The following AGBL4 variants were observed in gnomAD, a reference collection of about 807,000 sequenced individuals.
AGBL4 encodes the protein AGBL carboxypeptidase 4.
Under a neutral mutation model 66.4 loss-of-function variants are expected in AGBL4, and 58 were observed. The observed-to-expected ratio is 0.87, with a 90% confidence interval of 0.71 to 1.09. The LOEUF is 1.09. Ranked by LOEUF, AGBL4 falls within the 50% of genes least tolerant of loss-of-function variation. The pLI, the probability that AGBL4 is intolerant of heterozygous loss-of-function variation, is 0.00. For synonymous variants in AGBL4, 234 were observed against 222.9 expected (o/e 1.05, Z -0.44); for missense variants, 579 against 631.0 (o/e 0.92, Z 0.88).
chr1:49,050,267 A>G (rs1379467205), intron 4 of AGBL4, among the ~76,000 whole-genome samples: 1 of 151,978 alleles, frequency 6.6e-6, no homozygotes, highest in African/African-American at 2.4e-5. Context: ...CTGAGTAAGC[A>G]CACACACACA....
chr1:49,077,208 G>A (rs1304239529), intron 4 of AGBL4, among the ~76,000 whole-genome samples: 1 of 147,122 alleles, frequency 6.8e-6, no homozygotes, highest in Non-Finnish European at 1.5e-5. Flanking sequence ...CTTAAAGATT[G>A]TCAGTGAATA....
intron 4 of AGBL4, among the ~76,000 whole-genome samples, chr1:49,191,158 C>A (rs1362492622): frequency 6.6e-6 from 1 of 152,204 alleles, no homozygotes; most frequent in East Asian, 1.9e-4. Context: ...ACAGTCAACT[C>A]AGATACAAAG....
chr1:49,874,949 A>G (rs1267143144), intron 1 of AGBL4, among the ~76,000 whole-genome samples: 23 of 143,636 alleles, frequency 1.6e-4, no homozygotes, highest in African/African-American at 3.3e-4. Context: ...AGCATTAGGT[A>G]TATCTCCCAA....
chr1:48,855,902 C>G (rs1212984101), intron 6 of AGBL4, among the ~76,000 whole-genome samples: 1 of 151,950 alleles, frequency 6.6e-6, no homozygotes, highest in African/African-American at 2.4e-5. Context: ...CAAAAACATA[C>G]ATGCAGAGGT....
intron 5 of AGBL4, among the ~76,000 whole-genome samples, chr1:48,867,952 C>G (rs1442981029): frequency 6.6e-6 from 1 of 152,180 alleles, no homozygotes; most frequent in Non-Finnish European, 1.5e-5. Context: ...TTCCCTATTA[C>G]AGCACAGCTA....
At chr1:49,594,394 A>C (rs1290113983) in intron 3 of AGBL4, among the ~76,000 whole-genome samples, 1 of 152,172 alleles carries the variant, frequency 6.6e-6, no homozygotes, top group Non-Finnish European at 1.5e-5. Flanking sequence ...AGTGCAGAAC[A>C]TGCAGGTTTG....
At chr1:48,697,272 A>G (rs1236308376) in intron 6 of AGBL4, among the ~76,000 whole-genome samples, 1 of 152,128 alleles carries the variant, frequency 6.6e-6, no homozygotes, top group Non-Finnish European at 1.5e-5. Context: ...AGGAATGAAA[A>G]TGCCCCGTGC....
chr1:49,438,077 C>T (rs975550951), intron 3 of AGBL4, among the ~76,000 whole-genome samples: 6 of 152,254 alleles, frequency 3.9e-5, no homozygotes, highest in Non-Finnish European at 7.4e-5. Flanking sequence ...ACAATCACTC[C>T]GTGAGGACTA....
chr1:49,528,453 T>C (rs1429913014), intron 3 of AGBL4, among the ~76,000 whole-genome samples: 2 of 152,058 alleles, frequency 1.3e-5, no homozygotes, highest in Non-Finnish European at 2.9e-5. Flanking sequence ...TCTGCTCTCT[T>C]TATGATTAAA....
At chr1:48,778,362 C>T (rs2148714839) in intron 6 of AGBL4, among the ~76,000 whole-genome samples, 1 of 152,222 alleles carries the variant, frequency 6.6e-6, no homozygotes, top group Non-Finnish European at 1.5e-5. Context: ...GGTTCCTGTG[C>T]CAAAATTAGG....
intron 5 of AGBL4, among the ~76,000 whole-genome samples, chr1:49,025,327 G>T (rs893143533): frequency 6.6e-6 from 1 of 152,064 alleles, no homozygotes; most frequent in South Asian, 2.1e-4. Flanking sequence ...CCCTTCTCTG[G>T]ACCCTCTGTC....
In AGBL4 at chr1:48,674,061, C is replaced by A. The variant is rs12090300; in HGVS notation, c.635-10820G>T. On this transcript the variant is annotated intron_variant, in intron 6 of 13. Transcript: ENST00000371839. Reference sequence around the variant, plus strand: ...TACTCCCTAGCCCGCTTGTCCCCTGCCCACCTCCCACGCTCGCCTCTTACT... The same window carrying A: ...TACTCCCTAGCCCGCTTGTCCCCTGACCACCTCCCACGCTCGCCTCTTACT... Among the ~76,000 whole-genome samples the A allele has an allele frequency of 3.4e-3, 515 of 152,284 alleles. 4 individuals are homozygous for A. Among genetic ancestry groups the A allele is most frequent in the African/African-American group, 9.1e-3 (380 of 41,550 alleles).
intron 11 of AGBL4, among the ~76,000 whole-genome samples, chr1:48,552,530 A>T (rs1413352136): frequency 6.6e-6 from 1 of 152,210 alleles, no homozygotes; most frequent in East Asian, 1.9e-4. Context: ...TACTATTGAC[A>T]TGTTTGGCTA....
intron 2 of AGBL4, among the ~76,000 whole-genome samples, chr1:49,783,213 T>G (rs1274356365): frequency 6.6e-6 from 1 of 152,128 alleles, no homozygotes; most frequent in Non-Finnish European, 1.5e-5. Context: ...AATTAGTATT[T>G]TCAAACTTCT....
intron 1 of AGBL4, among the ~76,000 whole-genome samples, chr1:49,872,180 C>A (rs1241528680): frequency 2.0e-5 from 3 of 151,830 alleles, no homozygotes; most frequent in Non-Finnish European, 2.9e-5. Context: ...CTATTTACAG[C>A]CTTTAACAAT....
At chr1:50,023,663 C>G (rs1662615279) in intron 1 of AGBL4, 100 bp downstream of exon 1, 2 of 1,375,280 alleles carry the variant, frequency 1.5e-6, no homozygotes, top group African/African-American at 1.5e-5. Flanking sequence ...TATACAGGAC[C>G]GCCTCCTCAG....
intron 2 of AGBL4, among the ~76,000 whole-genome samples, chr1:49,769,392 A>G (rs917516197): frequency 6.6e-6 from 1 of 152,226 alleles, no homozygotes; most frequent in Non-Finnish European, 1.5e-5. Context: ...CATAATGCCC[A>G]AAGCAAATTA....
At position 49,302,679 on chromosome 1, in the gene AGBL4, T is replaced by TTTTAC. The variant is rs59032659; in HGVS notation, c.283-56816_283-56815insGTAAA. ...TTTTATTTTATTTTATTTTATTTTA[T>TTTTAC]ATTCCTAGAGATATGTGCAGGACAT... On this transcript the variant is annotated intron_variant, in intron 3 of 13. Coordinates refer to ENST00000371839, the MANE Select transcript of AGBL4 (RefSeq NM_032785.4). Among the ~76,000 whole-genome samples, 3 of 145,024 alleles carry TTTTAC rather than the reference T, an allele frequency of 2.1e-5. No homozygotes were observed. In the East Asian group the frequency reaches 6.0e-4, roughly 29 times the overall value.
chr1:48,848,217 C>A (rs1199025229), intron 6 of AGBL4, among the ~76,000 whole-genome samples: 1 of 152,250 alleles, frequency 6.6e-6, no homozygotes, highest in Non-Finnish European at 1.5e-5. Context: ...CCTTTCACAT[C>A]ATGTCAGTTT....
Sources: gnomAD v4.1 joint callset for allele counts (sites outside exome capture counted in the v4.1 genomes callset) on GRCh38, gnomAD v4.1.1 for gene constraint, MANE v1.5 for transcripts, NCBI Gene and HGNC (gene_info 2026-07-23, HGNC 2026-07-21) for gene names.